Variants in RERE observed in about 807,000 individuals in gnomAD.
The protein encoded by RERE is arginine-glutamic acid dipeptide repeats protein.
In RERE, 40 loss-of-function variants were observed where a neutral mutation model predicts 146.1. The observed-to-expected ratio is 0.27, with a 90% CI of 0.21 to 0.36. RERE has a LOEUF of 0.36. Ranked by LOEUF, RERE falls within the 10% of genes least tolerant of loss-of-function variation. RERE has a pLI of 1.00. For missense variants in RERE, 1,933 were observed against 2,138.7 expected, an observed-to-expected ratio of 0.90 and a Z score of 1.90; for synonymous variants, 1,003 against 866.0, an observed-to-expected ratio of 1.16 and a Z score of -2.78.
chr1:8,574,905 A>T (rs940279880), intron 4 of RERE, among the ~76,000 whole-genome samples: 4 of 152,236 alleles, frequency 2.6e-5, no homozygotes, highest in Non-Finnish European at 4.4e-5. Flanking sequence ...TTCTTTCATG[A>T]ATATATATTA....
At chr1:8,609,721 C>T (rs561229471) in intron 4 of RERE, among the ~76,000 whole-genome samples, 4 of 152,248 alleles carry the variant, frequency 2.6e-5, no homozygotes, top group African/African-American at 9.6e-5. Flanking sequence ...TCCAAAAGAG[C>T]ATTTTATAAT....
chr1:8,418,969 A>G (rs1050467895), intron 12 of RERE, among the ~76,000 whole-genome samples: 4 of 152,148 alleles, frequency 2.6e-5, no homozygotes, highest in African/African-American at 9.7e-5. Flanking sequence ...CAAATATACT[A>G]ACACTTAAGA....
At chr1:8,564,830 G>GTA (rs1235456516) in intron 4 of RERE, among the ~76,000 whole-genome samples, 2 of 96,704 alleles carry the variant, frequency 2.1e-5, no homozygotes, top group South Asian at 2.9e-4. Context: ...GTGTATATGT[G>GTA]TATGTGTGTG....
intron 1 of RERE, among the ~76,000 whole-genome samples, chr1:8,795,044 G>A (rs1035420136): frequency 3.9e-5 from 6 of 152,022 alleles, no homozygotes; most frequent in South Asian, 2.1e-4. Context: ...TTTATTCCCC[G>A]CAAGACGGAG....
chr1:8,358,182 G>C lies in RERE; in HGVS notation c.4339+14C>G. ...CCCGTGCCTCTGTCCCACCTGCCAC[G>C]CTGGGGCACGCACCTTGGTGGAGGG... On this transcript the variant is annotated intron_variant, in intron 20 of 22. Transcript: ENST00000400908. 1 of 1,576,024 alleles carries C rather than the reference G, an allele frequency of 6.3e-7. No homozygotes were observed. Among genetic ancestry groups the C allele is most frequent in the Non-Finnish European group, 8.7e-7 (1 of 1,153,596 alleles).
At chr1:8,617,258 C>T (rs1168391858) in intron 3 of RERE, among the ~76,000 whole-genome samples, 6 of 144,740 alleles carry the variant, frequency 4.1e-5, no homozygotes, top group Non-Finnish European at 7.5e-5. Flanking sequence ...GCAGGAGAAT[C>T]GCTTGAACCC....
chr1:8,785,793 T>C (rs1641249542), intron 1 of RERE, among the ~76,000 whole-genome samples: 1 of 152,144 alleles, frequency 6.6e-6, no homozygotes, highest in Admixed American at 6.5e-5. Context: ...AGCTAATTTT[T>C]GTATTTTTAG....
chr1:8,564,826 A>ATATGTGTGTGTGTGTGTGTGTGTGTG (rs1384858524), intron 4 of RERE, among the ~76,000 whole-genome samples: 3 of 117,928 alleles, frequency 2.5e-5, no homozygotes, highest in Admixed American at 1.7e-4. Context: ...GTGTGTGTAT[A>ATATGTGTGTGTGTGTGTGTGTGTGTG]TGTGTATGTG....
At chr1:8,677,085 CAA>C (rs1447414675) in intron 1 of RERE, among the ~76,000 whole-genome samples, 1 of 152,066 alleles carries the variant, frequency 6.6e-6, no homozygotes, top group African/African-American at 2.4e-5. Context: ...GCCACTAGCC[CAA>C]GAGGGGTTTT....
intron 6 of RERE, among the ~76,000 whole-genome samples, chr1:8,548,997 T>C (rs1645900904): frequency 6.6e-6 from 1 of 151,902 alleles, no homozygotes; most frequent in East Asian, 1.9e-4. Flanking sequence ...AAAAATAAAA[T>C]AAAATCTTCT....
Position 8,665,179 on chromosome 1 carries a change from C to T in RERE, c.-144-8738G>A, listed in dbSNP as rs149099895. On this transcript the variant is annotated intron_variant, in intron 1 of 22. Transcript: ENST00000400908. ...GCCTAGGTGCCTCCTACCCTTCCTTCAAGTCATAGCTCAACAGCAACGTCC... is the reference window on the plus strand; with the variant it reads ...GCCTAGGTGCCTCCTACCCTTCCTTTAAGTCATAGCTCAACAGCAACGTCC... Among the ~76,000 whole-genome samples, 692 of 152,294 alleles carry T rather than the reference C, an allele frequency of 4.5e-3. 6 individuals carry two copies. Among genetic ancestry groups the T allele is most frequent in the African/African-American group, 0.016 (664 of 41,562 alleles).
intron 1 of RERE, among the ~76,000 whole-genome samples, chr1:8,763,082 G>A (rs1436962676): frequency 6.6e-6 from 1 of 152,124 alleles, no homozygotes; most frequent in African/African-American, 2.4e-5. Context: ...AGCAGGTTTA[G>A]AGGACGAAAA....
chr1:8,389,141 T>C (rs1642791152), intron 12 of RERE, among the ~76,000 whole-genome samples: 1 of 152,154 alleles, frequency 6.6e-6, no homozygotes, highest in Non-Finnish European at 1.5e-5. Flanking sequence ...ATCTTCAAAA[T>C]TATCAAAATC....
chr1:8,362,584 G>T, intron 16 of RERE, 99 bp downstream of exon 16: 1 of 1,451,674 alleles, frequency 6.9e-7, no homozygotes, highest in Non-Finnish European at 9.6e-7. Context: ...TGAATGAGCT[G>T]CATCCTCGTG....
intron 1 of RERE, among the ~76,000 whole-genome samples, chr1:8,694,022 T>C: frequency 7.3e-6 from 1 of 137,354 alleles, no homozygotes; most frequent in Non-Finnish European, 1.6e-5. Context: ...ACACCAATTT[T>C]CTTTCCCAAA....
chr1:8,639,386 C>T (rs923603356), intron 2 of RERE, among the ~76,000 whole-genome samples: 8 of 152,180 alleles, frequency 5.3e-5, no homozygotes, highest in East Asian at 1.9e-4. Flanking sequence ...AAAAAGCTTG[C>T]GCTCCATGAT....
At chr1:8,633,331 G>A (rs1196298283) in intron 2 of RERE, among the ~76,000 whole-genome samples, 1 of 152,174 alleles carries the variant, frequency 6.6e-6, no homozygotes, top group Non-Finnish European at 1.5e-5. Context: ...GTTGAGGTGG[G>A]AGGATCACTT....
chr1:8,361,949 C>A, intron 16 of RERE, 73 bp from the exon 17 acceptor site: 2 of 1,103,074 alleles, frequency 1.8e-6, no homozygotes, highest in South Asian at 1.3e-5. Flanking sequence ...AAGGAAATGA[C>A]GGTTTGCAGA....
intron 2 of RERE, among the ~76,000 whole-genome samples, chr1:8,647,506 C>A (rs770951079): frequency 3.3e-5 from 5 of 152,180 alleles, no homozygotes; most frequent in Non-Finnish European, 2.9e-5. Flanking sequence ...AATAAAACTA[C>A]CCCACCACAA....
Sources: gnomAD v4.1 joint callset for allele counts (sites outside exome capture counted in the v4.1 genomes callset) on GRCh38, gnomAD v4.1.1 for gene constraint, MANE v1.5 for transcripts, NCBI Gene and HGNC (gene_info 2026-07-23, HGNC 2026-07-21) for gene names.